Variants in ACVR2B observed in about 807,000 individuals in gnomAD.
ACVR2B encodes the protein activin A receptor type 2B, also known as activin receptor type-2B.
Under a neutral mutation model 65.1 loss-of-function variants are expected in ACVR2B, and 18 were observed. That is an observed-to-expected ratio of 0.28 (90% CI 0.19 to 0.41). The LOEUF (loss-of-function observed/expected upper bound fraction) is 0.41. ACVR2B is among the 10% of genes least tolerant of loss of function. The pLI, the probability that ACVR2B is intolerant of heterozygous loss-of-function variation, is 1.00. For synonymous variants in ACVR2B, 298 were observed against 277.7 expected, an observed-to-expected ratio of 1.07 and a Z score of -0.73; for missense variants, 482 against 682.7, an observed-to-expected ratio of 0.71 and a Z score of 3.28.
Position 38,478,364 on chromosome 3 carries a change from C to G in ACVR2B, c.523-11C>G. On this transcript the variant is annotated splice_polypyrimidine_tract_variant and intron_variant, in intron 4 of 10. Transcript: ENST00000352511. ...ACAGGCCAGACCTTTTTAAGCCTTG[C>G]TCTCCCCCAGGACCCTGGGCCTCCA... 6.2e-7 allele frequency: 1 copy of G among 1,614,048 alleles called. No homozygotes were observed. Among genetic ancestry groups the G allele is most frequent in the East Asian group, 2.2e-5 (1 of 44,868 alleles).
intron 1 of ACVR2B, among the ~76,000 whole-genome samples, chr3:38,457,868 C>T (rs150808935): frequency 1.2e-4 from 19 of 152,240 alleles, no homozygotes; most frequent in African/African-American, 2.2e-4. Context: ...CCTAGTGTAG[C>T]GGTAGCTGCC....
rs561107610 is a variant in ACVR2B, at chr3:38,467,738, C to CAAG, written c.53-9547_53-9545dup. Among the ~76,000 whole-genome samples the CAAG allele has an allele frequency of 4.5e-3, 583 of 130,590 alleles. 6 individuals carry two copies. The highest frequency in any genetic ancestry group is 0.032 in the Admixed American group (393 of 12,354). The allele number at this position is 130,590 out of a possible 152,430, so 85.7% of individuals were successfully genotyped here. On this transcript the variant is annotated intron_variant, in intron 1 of 10. Transcript: ENST00000352511. ...CTGTACTCCAGCCTAGGTCACAGAGCAAGACCCTGTGTCCAAAAAAAAAAA... is the reference window on the plus strand; with the variant it reads ...CTGTACTCCAGCCTAGGTCACAGAGCAAGAAGACCCTGTGTCCAAAAAAAAAAA...
Position 38,485,947 on chromosome 3 carries a change from A to G in ACVR2B, c.*2615A>G, listed in dbSNP as rs2125728996. On this transcript the variant is annotated 3_prime_UTR_variant, in exon 11 of 11. Transcript: ENST00000352511. ...ACTGCAGGAATAGTTAGGTCATGAT[A>G]CTACCTGAACACTAAACCCCAGCCT... 6.6e-6 allele frequency: 1 copy of G among 152,660 alleles called. No homozygotes were observed. Among genetic ancestry groups the G allele is most frequent in the East Asian group, 1.9e-4 (1 of 5,160 alleles). The allele number at this position is 152,660 out of a possible 1,614,324, so 9.5% of individuals were successfully genotyped here.
At position 38,454,247 on chromosome 3, in the gene ACVR2B, TGGCCCTGCGCGCCCCGGGAGCGCCGTGC is replaced by T. The variant is rs1685834195; in HGVS notation, c.-67_-40del. 9.2e-7 allele frequency: 1 copy of T among 1,084,220 alleles called. No homozygotes were observed. Among genetic ancestry groups the T allele is most frequent in the Non-Finnish European group, 1.1e-6 (1 of 869,892 alleles). 67.2% of individuals were successfully genotyped at this position (1,084,220 alleles called of 1,614,324 possible). On this transcript the variant is annotated 5_prime_UTR_variant, in exon 1 of 11. Coordinates refer to ENST00000352511, the MANE Select transcript of ACVR2B (RefSeq NM_001106.4). ...CGGGAAGGAGAGCGCAGCCGCCGCC[TGGCCCTGCGCGCCCCGGGAGCGCCGTGC>T]GGCCCTGCCCGCGGGCTCCGGGTGT... is the stretch of plus-strand genomic sequence containing the variant.
chr3:38,476,935 A>T, intron 1 of ACVR2B: 1 of 387,550 alleles, frequency 2.6e-6, no homozygotes, highest in Non-Finnish European at 4.8e-6. Context: ...ACCCCCACGC[A>T]GGAGCCTCAG....
rs1013163302 is a variant in ACVR2B at position 38,492,845 on chromosome 3, A to G, written c.*9513A>G. On this transcript the variant is annotated 3_prime_UTR_variant, in exon 11 of 11. Coordinates refer to ENST00000352511, the MANE Select transcript of ACVR2B (RefSeq NM_001106.4). ...CTAAAGCAGACATCCATGTAATTAC[A>G]GTTGCAAAATGAAAACATTTTGGAA... is the stretch of plus-strand genomic sequence containing the variant. 2.6e-5 allele frequency: 4 copies of G among 152,070 alleles called. No homozygotes were observed. The highest frequency in any genetic ancestry group is 6.6e-5 in the Admixed American group (1 of 15,208). 9.4% of individuals were successfully genotyped at this position (152,070 alleles called of 1,614,324 possible). A position where few individuals can be genotyped will look rare whatever the true frequency, so the allele number is the denominator to read the frequency against.
At chr3:38,460,588 T>G (rs1231720583) in intron 1 of ACVR2B, among the ~76,000 whole-genome samples, 1 of 152,230 alleles carries the variant, frequency 6.6e-6, no homozygotes, top group African/African-American at 2.4e-5. Context: ...ATGTGCCTTT[T>G]TCAGATTCTT....
Position 38,477,012 on chromosome 3 carries a change from T to G in ACVR2B, c.53-275T>G. 48 of 538,672 alleles carry G rather than the reference T, an allele frequency of 8.9e-5. No individual in the cohort carries two copies. Among genetic ancestry groups the G allele is most frequent in the Non-Finnish European group, 1.0e-4 (30 of 298,416 alleles). 33.4% of individuals were successfully genotyped at this position (538,672 alleles called of 1,614,324 possible). On this transcript the variant is annotated intron_variant, in intron 1 of 10. Coordinates refer to ENST00000352511, the MANE Select transcript of ACVR2B (RefSeq NM_001106.4). This position sits in a 1 kb window ranked among gnomAD's most constrained non-coding sequence, Gnocchi z 6.7. Reference sequence around the variant, plus strand: ...GCTGTTTATCCATCCTTCTGTGGCATTAGGTTTCCTGCCTCCTCCCTTTTG... The same window carrying G: ...GCTGTTTATCCATCCTTCTGTGGCAGTAGGTTTCCTGCCTCCTCCCTTTTG...
intron 6 of ACVR2B, 118 bp from the exon 7 acceptor site, chr3:38,479,560 G>A: frequency 7.8e-7 from 1 of 1,288,218 alleles, no homozygotes; most frequent in South Asian, 1.2e-5. Flanking sequence ...ATCGATTGTA[G>A]TAGCCTTCCA....
chr3:38,459,662 A>C (rs1559645506), intron 1 of ACVR2B: 32 of 985,294 alleles, frequency 3.2e-5, no homozygotes, highest in Non-Finnish European at 3.9e-5. Context: ...CGGGGACACC[A>C]GGGCAGGTGG....
At chr3:38,458,702 C>G (rs936254647) in intron 1 of ACVR2B, among the ~76,000 whole-genome samples, 4 of 152,112 alleles carry the variant, frequency 2.6e-5, no homozygotes, top group African/African-American at 9.7e-5. Flanking sequence ...GATCCACTCA[C>G]GGATACTGAC....
At chr3:38,482,070 C>A (rs1710025847) in intron 8 of ACVR2B, 128 bp from the exon 9 acceptor site, 1 of 1,220,796 alleles carries the variant, frequency 8.2e-7, no homozygotes, top group Non-Finnish European at 1.2e-6. Flanking sequence ...GGTTTGCTAT[C>A]ATTGATAACC....
At chr3:38,482,626 G>C (rs1366902295) in intron 10 of ACVR2B, 66 bp downstream of exon 10, 2 of 1,580,192 alleles carry the variant, frequency 1.3e-6, no homozygotes, top group Non-Finnish European at 1.7e-6. Flanking sequence ...ATGTGTAGCA[G>C]GTAAGCTGAA....
chr3:38,467,852 A>C (rs1194450109), intron 1 of ACVR2B, among the ~76,000 whole-genome samples: 2 of 152,164 alleles, frequency 1.3e-5, no homozygotes, highest in African/African-American at 2.4e-5. Flanking sequence ...AAATATAGCT[A>C]ATATTTCTAA....
At chr3:38,471,611 T>C (rs971599508) in intron 1 of ACVR2B, among the ~76,000 whole-genome samples, 101 of 152,206 alleles carry the variant, frequency 6.6e-4, no homozygotes, top group African/African-American at 2.3e-3. Context: ...CTTAAAGTTA[T>C]GTGAGGTTAT....
At chr3:38,480,134 CTT>C (rs1269876728) in intron 7 of ACVR2B, among the ~76,000 whole-genome samples, 1 of 152,098 alleles carries the variant, frequency 6.6e-6, no homozygotes, top group Admixed American at 6.5e-5. Flanking sequence ...CTTAAAATGA[CTT>C]TTGTGTAAGT....
At chr3:38,459,531 C>T (rs980640429) in intron 1 of ACVR2B, 1 of 965,194 alleles carries the variant, frequency 1.0e-6, no homozygotes, top group Non-Finnish European at 1.2e-6. Context: ...TAAGGCTAGC[C>T]CTGTCTGCCA....
chr3:38,478,137 CCA>C lies in ACVR2B; in HGVS notation c.371-3_371-2del. 1 of 1,611,230 alleles carries C rather than the reference CCA, an allele frequency of 6.2e-7. No individual in the cohort carries two copies. On this transcript the variant is annotated splice_acceptor_variant and splice_polypyrimidine_tract_variant and intron_variant, in intron 3 of 10. Transcript: ENST00000352511. LOFTEE classifies it high-confidence loss of function. ...TTTGACACAGGGCTCTGTGTGTCCC[CCA>C]GTCACGTACGAGCCACCCCCGACAG...
At position 38,482,517 on chromosome 3, in the gene ACVR2B, A is replaced by C; in HGVS notation, c.1301A>C (p.Lys434Thr). The change falls in exon 10 of 11, where the codon AAG becomes ACG. Residue 434 changes from lysine (K) to threonine (T), a missense_variant. Physicochemically the swap from Lys to Thr is moderately conservative, Grantham distance 78 (BLOSUM62 -1). Around this residue, in one of 5 missense-constraint regions of ACVR2B, gnomAD observed 223 missense variants for 386.3 expected, o/e 0.58. Transcript: ENST00000352511. ...GAGCTGCAGGAGGTGGTGGTGCACA[A>C]GAAGATGAGGCCCACCATTAAAGAT... Reference protein sequence around the residue: ...LEELQEVVVHKKMRPTIKDHW... With the variant: ...LEELQEVVVHTKMRPTIKDHW... The C allele has an allele frequency of 6.2e-7, 1 of 1,612,082 alleles. No homozygotes were observed. Among genetic ancestry groups the C allele is most frequent in the Non-Finnish European group, 8.5e-7 (1 of 1,179,832 alleles).
Sources: gnomAD v4.1 joint callset for allele counts (sites outside exome capture counted in the v4.1 genomes callset) on GRCh38, gnomAD v4.1.1 for gene constraint, gnomAD v4.1.1 regional missense constraint, Gnocchi (gnomAD v3.1) non-coding constraint, MANE v1.5 for transcripts, NCBI Gene and HGNC (gene_info 2026-07-23, HGNC 2026-07-21) for gene names.